PLA2G4A: variants seen among roughly 807,000 people sequenced by gnomAD.
PLA2G4A encodes the protein phospholipase A2 group IVA, also known as cytosolic phospholipase A2.
A neutral mutation model predicts 81.9 loss-of-function variants in PLA2G4A; 40 were observed. That is an observed-to-expected ratio of 0.49 (90% CI 0.38 to 0.64). The LOEUF (loss-of-function observed/expected upper bound fraction) is 0.64. PLA2G4A is among the 30% of genes least tolerant of loss of function. The pLI is 0.00. For missense variants in PLA2G4A, 715 were observed against 905.1 expected, an observed-to-expected ratio of 0.79 and a Z score of 2.69; for synonymous variants, 302 against 296.9, an observed-to-expected ratio of 1.02 and a Z score of -0.18.
intron 5 of PLA2G4A, among the ~76,000 whole-genome samples, chr1:186,894,518 A>C (rs897729971): frequency 1.3e-5 from 2 of 152,168 alleles, no homozygotes; most frequent in Non-Finnish European, 2.9e-5. Flanking sequence ...AATACAAAAA[A>C]TTGGGGAGGA....
intron 10 of PLA2G4A, among the ~76,000 whole-genome samples, chr1:186,941,549 C>A (rs1656155714): frequency 6.6e-6 from 1 of 152,096 alleles, no homozygotes; most frequent in Non-Finnish European, 1.5e-5. Context: ...AAAACGAAAA[C>A]CTCATAAAGA....
chr1:186,829,245 C>T (rs1651463975), intron 1 of PLA2G4A, among the ~76,000 whole-genome samples: 1 of 152,174 alleles, frequency 6.6e-6, no homozygotes, highest in Non-Finnish European at 1.5e-5. Context: ...CGCAGATTTG[C>T]CTTCCTGGAT....
chr1:186,958,828 T>C (rs1656845293), intron 14 of PLA2G4A, among the ~76,000 whole-genome samples: 1 of 152,204 alleles, frequency 6.6e-6, no homozygotes, highest in African/African-American at 2.4e-5. Flanking sequence ...TTTTGCAATA[T>C]TTTATGTAGA....
At chr1:186,919,614 G>A (rs1655272757) in intron 7 of PLA2G4A, among the ~76,000 whole-genome samples, 1 of 152,118 alleles carries the variant, frequency 6.6e-6, no homozygotes, top group Non-Finnish European at 1.5e-5. Context: ...GAACCCTTGG[G>A]GAAGCCGGGT....
intron 1 of PLA2G4A, among the ~76,000 whole-genome samples, chr1:186,852,887 T>C (rs1411895118): frequency 6.6e-6 from 1 of 152,006 alleles, no homozygotes; most frequent in Non-Finnish European, 1.5e-5. Flanking sequence ...TAGTAATTTA[T>C]CATGATAAAT....
At chr1:186,919,740 G>A (rs1321335414) in intron 7 of PLA2G4A, among the ~76,000 whole-genome samples, 2 of 152,170 alleles carry the variant, frequency 1.3e-5, no homozygotes, top group African/African-American at 4.8e-5. Context: ...GTCCAGACAG[G>A]TAAACCAGCT....
chr1:186,964,483 C>T (rs930575581), intron 14 of PLA2G4A, among the ~76,000 whole-genome samples: 97 of 152,140 alleles, frequency 6.4e-4, no homozygotes, highest in Non-Finnish European at 1.9e-4. Flanking sequence ...CAAACACACC[C>T]AGCCTGATTC....
intron 14 of PLA2G4A, 41 bp downstream of exon 14, chr1:186,956,385 A>C: frequency 6.4e-7 from 1 of 1,560,898 alleles, no homozygotes; most frequent in Non-Finnish European, 8.8e-7. Flanking sequence ...AATGCAGGAG[A>C]TCTTTATTCC....
At chr1:186,876,415 A>G (rs10911940) in intron 3 of PLA2G4A, among the ~76,000 whole-genome samples, 9,366 of 152,070 alleles carry the variant, frequency 0.062, 337 homozygotes, top group South Asian at 0.11. Context: ...CTCCCCTTAT[A>G]TGATTTTTCC....
In PLA2G4A at chr1:186,981,862, C is replaced by T. The variant is rs1467338341; in HGVS notation, c.2118+2390C>T. Among the ~76,000 whole-genome samples the T allele has an allele frequency of 1.2e-4, 17 of 144,676 alleles. 1 individual carries two copies. Among genetic ancestry groups the T allele is most frequent in the Non-Finnish European group, 4.5e-5 (3 of 66,680 alleles). The allele number at this position is 144,676 out of a possible 152,430, so 94.9% of individuals were successfully genotyped here. A position where few individuals can be genotyped will look rare whatever the true frequency, so the allele number is the denominator to read the frequency against. On this transcript the variant is annotated intron_variant, in intron 17 of 17. Coordinates refer to ENST00000367466, the MANE Select transcript of PLA2G4A (RefSeq NM_024420.3). The stretch of plus-strand genomic sequence containing the variant: ...GAAGAAAGAAAGCGAAGTTAGAAGA[C>T]TTACTTTACCAAATAGAAAGACAGC...
At chr1:186,911,176 G>A (rs962861390) in intron 6 of PLA2G4A, 72 bp from the exon 7 acceptor site, 5 of 1,345,238 alleles carry the variant, frequency 3.7e-6, no homozygotes, top group African/African-American at 2.9e-5. Context: ...TAGGGACCTG[G>A]AAAAGCTACC....
intron 2 of PLA2G4A, among the ~76,000 whole-genome samples, chr1:186,861,161 G>C (rs983109202): frequency 2.6e-5 from 4 of 152,182 alleles, no homozygotes; most frequent in Admixed American, 2.6e-4. Context: ...CCCAGTTCCA[G>C]ATTGGTTTTC....
chr1:186,949,075 G>T (rs938268948), intron 12 of PLA2G4A, among the ~76,000 whole-genome samples: 3 of 152,070 alleles, frequency 2.0e-5, no homozygotes, highest in African/African-American at 7.2e-5. Flanking sequence ...TACTCTCTAA[G>T]GAGTTTTGAA....
At chr1:186,855,855 T>C (rs144436951) in intron 2 of PLA2G4A, among the ~76,000 whole-genome samples, 46 of 152,252 alleles carry the variant, frequency 3.0e-4, no homozygotes, top group African/African-American at 1.1e-3. Flanking sequence ...ATTAGTCAGA[T>C]AGTCTGTGTT....
rs560558865 is a variant in PLA2G4A, at chr1:186,932,755, C to T, written c.559-8C>T. 5.6e-6 allele frequency: 9 copies of T among 1,612,914 alleles called. No individual in the cohort carries two copies. The highest frequency in any genetic ancestry group is 2.2e-5 in the South Asian group (2 of 91,042). On this transcript the variant is annotated splice_region_variant and splice_polypyrimidine_tract_variant and intron_variant, in intron 7 of 17. Transcript: ENST00000367466. ...TTGTGTACAAATCTCTCTGTTGCAT[C>T]GTTTCAGGTGCCTGTGGTAGCCATA...
intron 15 of PLA2G4A, among the ~76,000 whole-genome samples, chr1:186,971,289 A>G (rs930427825): frequency 1.3e-5 from 2 of 151,910 alleles, no homozygotes; most frequent in African/African-American, 2.4e-5. Context: ...GCATTTTAAT[A>G]ACTGTAGCTT....
intron 5 of PLA2G4A, 98 bp from the exon 6 acceptor site, chr1:186,906,867 A>G: frequency 1.5e-6 from 1 of 689,206 alleles, no homozygotes; most frequent in Non-Finnish European, 2.6e-6. Flanking sequence ...TTTTTGATTA[A>G]AAATAATCTG....
intron 1 of PLA2G4A, among the ~76,000 whole-genome samples, chr1:186,831,010 CTTTCTTT>C: frequency 7.4e-6 from 1 of 135,092 alleles, no homozygotes; most frequent in South Asian, 2.3e-4. Flanking sequence ...TTCTTTCTTT[CTTTCTTT>C]CTTTTTCTTT....
intron 1 of PLA2G4A, among the ~76,000 whole-genome samples, chr1:186,831,228 TC>T (rs1651577966): frequency 6.6e-6 from 1 of 152,064 alleles, no homozygotes; most frequent in African/African-American, 2.4e-5. Flanking sequence ...ATGCAGTATT[TC>T]TTAAAACTTT....
Sources: allele counts gnomAD v4.1 joint callset (sites outside exome capture counted in the v4.1 genomes callset), GRCh38; gene constraint gnomAD v4.1.1; transcripts MANE v1.5; gene names NCBI Gene and HGNC (gene_info 2026-07-23, HGNC 2026-07-21).